The following WWOX variants were observed in gnomAD, a reference collection of about 807,000 sequenced individuals.
WWOX encodes the protein WW domain-containing oxidoreductase.
Under a neutral mutation model 46.2 loss-of-function variants are expected in WWOX, and 69 were observed. The ratio of observed to expected loss-of-function variants is 1.49; its 90% confidence interval spans 1.23 to 1.82. The LOEUF (loss-of-function observed/expected upper bound fraction) is 1.82. WWOX is among the 40% of genes most tolerant of loss of function. The pLI, the probability that WWOX is intolerant of heterozygous loss-of-function variation, is 0.00. For missense variants in WWOX, 919 were observed against 542.6 expected (o/e 1.69, Z -6.89); for synonymous variants, 359 against 202.6 (o/e 1.77, Z -6.56).
At chr16:78,360,805 T>C (rs1027424611) in intron 5 of WWOX, among the ~76,000 whole-genome samples, 2 of 141,904 alleles carry the variant, frequency 1.4e-5, no homozygotes, top group Non-Finnish European at 3.0e-5. Flanking sequence ...TTAATTGTTG[T>C]ATCTCCTTGG....
intron 8 of WWOX, among the ~76,000 whole-genome samples, chr16:79,062,641 C>G (rs992757519): frequency 1.3e-5 from 2 of 151,688 alleles, no homozygotes; most frequent in East Asian, 1.9e-4. Context: ...AAAAAAAAGG[C>G]TTTTCTGCAA....
rs2293898 is a variant in WWOX, at chr16:78,804,235, G to A, written c.1056+371483G>A. Among the ~76,000 whole-genome samples the A allele has an allele frequency of 1.3e-3, 202 of 152,146 alleles. 1 individual carries two copies. The East Asian group carries it at 0.032, about 24-fold the overall frequency. On this transcript the variant is annotated intron_variant, in intron 8 of 8. Transcript: ENST00000566780. ...CTATGCCTTCCCCTGAACACAGTGCGCCCTCACTAATAAATTCTGAGGGCT... is the reference window on the plus strand; with the variant it reads ...CTATGCCTTCCCCTGAACACAGTGCACCCTCACTAATAAATTCTGAGGGCT...
chr16:78,881,707 C>T (rs1463625596), intron 8 of WWOX, among the ~76,000 whole-genome samples: 1 of 152,192 alleles, frequency 6.6e-6, no homozygotes, highest in Non-Finnish European at 1.5e-5. Context: ...CACCATTAAT[C>T]ACTTAAGAAG....
Position 78,857,447 on chromosome 16 carries a change from A to G in WWOX, c.1057-354161A>G, listed in dbSNP as rs779506929. On this transcript the variant is annotated intron_variant, in intron 8 of 8. Transcript: ENST00000566780. ...CTGGAATAGAACCTTTTTTTCCATG[A>G]TGCATGATGTAATTCACAGCCTCAT... Among the ~76,000 whole-genome samples the G allele has an allele frequency of 4.0e-4, 61 of 152,276 alleles. 1 individual carries two copies. Among genetic ancestry groups the G allele is most frequent in the Middle Eastern group, 3.4e-3 (1 of 294 alleles).
intron 8 of WWOX, among the ~76,000 whole-genome samples, chr16:78,872,042 A>C (rs988795206): frequency 1.3e-5 from 2 of 152,200 alleles, no homozygotes; most frequent in Non-Finnish European, 2.9e-5. Context: ...TAGGGCACAA[A>C]ATTTCTGTCA....
chr16:78,526,782 C>T (rs1460788725), intron 8 of WWOX, among the ~76,000 whole-genome samples: 1 of 152,160 alleles, frequency 6.6e-6, no homozygotes, highest in South Asian at 2.1e-4. Context: ...TGGGTCTCTC[C>T]TGCTTAGGAA....
chr16:78,916,594 C>T (rs992015649), intron 8 of WWOX, among the ~76,000 whole-genome samples: 2 of 152,048 alleles, frequency 1.3e-5, no homozygotes, highest in African/African-American at 4.8e-5. Flanking sequence ...ATAATTATAC[C>T]AAGACAACAG....
chr16:78,801,010 C>A (rs1015393446), intron 8 of WWOX, among the ~76,000 whole-genome samples: 8 of 151,640 alleles, frequency 5.3e-5, no homozygotes, highest in African/African-American at 1.9e-4. Context: ...TTATTTATTT[C>A]ATGCTCCACT....
intron 8 of WWOX, among the ~76,000 whole-genome samples, chr16:78,622,265 G>A (rs942380356): frequency 6.6e-6 from 1 of 151,892 alleles, no homozygotes; most frequent in Non-Finnish European, 1.5e-5. Flanking sequence ...CCTTGTGGCT[G>A]GTCGCAGTGG....
chr16:78,365,433 C>A (rs2081513266), intron 5 of WWOX, among the ~76,000 whole-genome samples: 1 of 152,184 alleles, frequency 6.6e-6, no homozygotes, highest in Admixed American at 6.5e-5. Context: ...GCACACAGAG[C>A]ATCCCACCAA....
At chr16:78,141,219 C>T (rs1222625967) in intron 4 of WWOX, among the ~76,000 whole-genome samples, 2 of 152,104 alleles carry the variant, frequency 1.3e-5, no homozygotes, top group Admixed American at 6.6e-5. Flanking sequence ...ATTTAAATGC[C>T]GAGCAGGGCT....
At chr16:79,096,207 G>T (rs1242337008) in intron 8 of WWOX, among the ~76,000 whole-genome samples, 4 of 151,938 alleles carry the variant, frequency 2.6e-5, no homozygotes, top group Admixed American at 2.0e-4. Context: ...ACCCAGCCAT[G>T]TTGGGACCCT....
At chr16:78,980,908 C>T (rs182321448) in intron 8 of WWOX, among the ~76,000 whole-genome samples, 1 of 152,200 alleles carries the variant, frequency 6.6e-6, no homozygotes, top group East Asian at 1.9e-4. Flanking sequence ...GATGGTATCT[C>T]CGTTTTTATT....
chr16:78,738,601 C>G (rs1001229246), intron 8 of WWOX, among the ~76,000 whole-genome samples: 1 of 152,050 alleles, frequency 6.6e-6, no homozygotes, highest in African/African-American at 2.4e-5. Flanking sequence ...ATTATCTAGT[C>G]CCTGAACAGC....
chr16:78,782,493 A>C (rs8043875), intron 8 of WWOX, among the ~76,000 whole-genome samples: 64,136 of 151,896 alleles, frequency 0.42, 14,201 homozygotes, highest in Middle Eastern at 0.56. Context: ...CAGAGTAGGG[A>C]GGAAAAATCA....
At chr16:78,954,934 C>T (rs2046134574) in intron 8 of WWOX, among the ~76,000 whole-genome samples, 1 of 152,090 alleles carries the variant, frequency 6.6e-6, no homozygotes, top group Non-Finnish European at 1.5e-5. Context: ...AGACCACAGG[C>T]ACGGGACACC....
At chr16:78,722,343 T>C (rs1388719248) in intron 8 of WWOX, among the ~76,000 whole-genome samples, 2 of 152,194 alleles carry the variant, frequency 1.3e-5, no homozygotes, top group East Asian at 3.9e-4. Context: ...TTTTCTCATC[T>C]GTAAAATGGA....
intron 8 of WWOX, among the ~76,000 whole-genome samples, chr16:78,571,027 G>C (rs910278826): frequency 6.6e-6 from 1 of 152,172 alleles, no homozygotes; most frequent in Non-Finnish European, 1.5e-5. Flanking sequence ...ACTTGTTCAT[G>C]TAATCTGTGA....
intron 8 of WWOX, among the ~76,000 whole-genome samples, chr16:79,210,877 A>AACTT (rs898821228): frequency 4.6e-5 from 7 of 152,320 alleles, no homozygotes; most frequent in African/African-American, 1.4e-4. Context: ...CACTCTTTGC[A>AACTT]ACTTACATTT....
Sources: allele counts gnomAD v4.1 joint callset (sites outside exome capture counted in the v4.1 genomes callset), GRCh38; gene constraint gnomAD v4.1.1; transcripts MANE v1.5; gene names NCBI Gene and HGNC (gene_info 2026-07-23, HGNC 2026-07-21).